NR5A2: variants seen among roughly 807,000 people sequenced by gnomAD.
The protein encoded by NR5A2 is CYP7A promoter-binding factor.
A neutral mutation model predicts 62.7 loss-of-function variants in NR5A2; 26 were observed. That is an observed-to-expected ratio of 0.41 (90% CI 0.30 to 0.58). The LOEUF is 0.58. NR5A2 is among the 20% of genes least tolerant of loss of function. NR5A2 has a pLI of 0.22. For missense variants in NR5A2, 541 were observed against 669.1 expected, an observed-to-expected ratio of 0.81 and a Z score of 2.11; for synonymous variants, 246 against 241.7, an observed-to-expected ratio of 1.02 and a Z score of -0.16.
At chr1:200,028,450 A>T (rs73067975) in intron 1 of NR5A2, among the ~76,000 whole-genome samples, 19,884 of 149,668 alleles carry the variant, frequency 0.13, 2,043 homozygotes, top group African/African-American at 0.29. Context: ...AAAACCAAAA[A>T]AACTAGACCA....
At position 200,027,871 on chromosome 1, in the gene NR5A2, G is replaced by A. The variant is rs1661402287; in HGVS notation, c.24G>A (p.Gly8=). The A allele has an allele frequency of 6.2e-7, 1 of 1,605,358 alleles. No individual in the cohort carries two copies. Among genetic ancestry groups the A allele is most frequent in the African/African-American group, 1.3e-5 (1 of 74,654 alleles). Residue 8 remains glycine (G), a synonymous_variant, in exon 1 of 8, where the codon GGG becomes GGA. Coordinates refer to ENST00000367362, the MANE Select transcript of NR5A2 (RefSeq NM_205860.3). MSSNSDT[G]DLQESLKHGL... ...GAATGTCTTCTAATTCAGATACTGG[G>A]GATTTACAAGAGTCTTTAAAGCACG...
Position 200,177,033 on chromosome 1 carries a change from TTGACAAG to T in NR5A2, c.*2827_*2833del, listed in dbSNP as rs2102404711. The T allele has an allele frequency of 6.6e-6, 1 of 152,310 alleles. No individual in the cohort carries two copies. The highest frequency in any genetic ancestry group is 2.1e-4 in the South Asian group (1 of 4,826). The allele number at this position is 152,310 out of a possible 1,614,324, so 9.4% of individuals were successfully genotyped here. A position where few individuals can be genotyped will look rare whatever the true frequency, so the allele number is the denominator to read the frequency against. ...ACAGCCAGCGTCTGTTCACCCAAGG[TTGACAAG>T]TGAAGTTTCTCTAATGTTGATTGTT... On this transcript the variant is annotated 3_prime_UTR_variant, in exon 8 of 8. Coordinates refer to ENST00000367362, the MANE Select transcript of NR5A2 (RefSeq NM_205860.3).
At chr1:200,144,818 C>T (rs952812292) in intron 7 of NR5A2, among the ~76,000 whole-genome samples, 4 of 152,092 alleles carry the variant, frequency 2.6e-5, no homozygotes, top group Admixed American at 6.6e-5. Flanking sequence ...GGAAATTGAG[C>T]GTGAGTAAGT....
chr1:200,091,478 CTCTT>C (rs1664810612), intron 5 of NR5A2, among the ~76,000 whole-genome samples: 1 of 142,572 alleles, frequency 7.0e-6, no homozygotes, highest in South Asian at 2.3e-4. Context: ...ACCCTTTGCT[CTCTT>C]TCTTTTTTTT....
intron 2 of NR5A2, among the ~76,000 whole-genome samples, chr1:200,042,080 G>T (rs948320889): frequency 2.0e-5 from 3 of 152,188 alleles, no homozygotes; most frequent in African/African-American, 4.8e-5. Context: ...AAACCCCCAG[G>T]TTCCTAAAAC....
intron 5 of NR5A2, among the ~76,000 whole-genome samples, chr1:200,082,553 TC>T (rs1664345754): frequency 6.6e-6 from 1 of 152,106 alleles, no homozygotes; most frequent in South Asian, 2.1e-4. Flanking sequence ...TAATGTAGGG[TC>T]AATAGGAATT....
chr1:200,067,675 G>A (rs1663555007), intron 5 of NR5A2, among the ~76,000 whole-genome samples: 1 of 152,160 alleles, frequency 6.6e-6, no homozygotes, highest in Non-Finnish European at 1.5e-5. Flanking sequence ...ACTACAGGGT[G>A]CTGGACTTAA....
At chr1:200,171,208 C>T (rs760057897) in intron 7 of NR5A2, among the ~76,000 whole-genome samples, 27 of 152,258 alleles carry the variant, frequency 1.8e-4, no homozygotes, top group African/African-American at 3.1e-4. Context: ...AATAGACATT[C>T]GGCAAGTAAG....
In NR5A2 at chr1:200,154,042, A is replaced by C. The variant is rs950924666; in HGVS notation, c.1379-19921A>C. Among the ~76,000 whole-genome samples, 3 of 152,240 alleles carry C rather than the reference A, an allele frequency of 2.0e-5. 1 individual carries two copies. Among genetic ancestry groups the C allele is most frequent in the Admixed American group, 1.3e-4 (2 of 15,286 alleles). ...GCATTCTTAAATTGGTGTGTTATTT[A>C]TGCAAATTATGGTAAGAAAAATAAT... is the stretch of plus-strand genomic sequence containing the variant. On this transcript the variant is annotated intron_variant, in intron 7 of 7. Coordinates refer to ENST00000367362, the MANE Select transcript of NR5A2 (RefSeq NM_205860.3).
At chr1:200,140,426 T>C (rs1419790046) in intron 7 of NR5A2, among the ~76,000 whole-genome samples, 2 of 152,212 alleles carry the variant, frequency 1.3e-5, no homozygotes, top group African/African-American at 2.4e-5. Flanking sequence ...TTGTCTGATA[T>C]TAAGAATGTT....
intron 5 of NR5A2, among the ~76,000 whole-genome samples, chr1:200,108,284 C>T (rs1665787741): frequency 6.6e-6 from 1 of 151,614 alleles, no homozygotes; most frequent in African/African-American, 2.4e-5. Flanking sequence ...CCCTATGTTG[C>T]CCAGTCTGGT....
chr1:200,125,953 A>G (rs919248364), intron 7 of NR5A2, among the ~76,000 whole-genome samples: 2 of 152,032 alleles, frequency 1.3e-5, no homozygotes, highest in African/African-American at 4.8e-5. Flanking sequence ...GGCTCAAATG[A>G]TCCTCTCGCC....
intron 5 of NR5A2, among the ~76,000 whole-genome samples, chr1:200,095,847 C>T (rs564587597): frequency 9.9e-5 from 15 of 151,932 alleles, no homozygotes; most frequent in African/African-American, 1.9e-4. Flanking sequence ...CCCCCGCGCC[C>T]GGCCAGCAAG....
intron 1 of NR5A2, among the ~76,000 whole-genome samples, chr1:200,036,448 G>A (rs1558094936): frequency 6.6e-6 from 1 of 152,224 alleles, no homozygotes; most frequent in Admixed American, 6.5e-5. Context: ...GGAGTTCTGA[G>A]GGAGAAGAAA....
At position 200,175,289 on chromosome 1, in the gene NR5A2, C is replaced by G. The variant is rs1299277698; in HGVS notation, c.*1079C>G. The G allele has an allele frequency of 2.0e-5, 3 of 152,364 alleles. No homozygotes were observed. Among genetic ancestry groups the G allele is most frequent in the African/African-American group, 4.8e-5 (2 of 41,448 alleles). The allele number at this position is 152,364 out of a possible 1,614,324, so 9.4% of individuals were successfully genotyped here. A position where few individuals can be genotyped will look rare whatever the true frequency, so the allele number is the denominator to read the frequency against. ...GTGATGTATTGACTCAAGGTTCATT[C>G]TTGCTGCAATTGAACATCCTCAAGA... On this transcript the variant is annotated 3_prime_UTR_variant, in exon 8 of 8. Coordinates refer to ENST00000367362, the MANE Select transcript of NR5A2 (RefSeq NM_205860.3).
At position 200,104,418 on chromosome 1, in the gene NR5A2, G is replaced by C. The variant is rs139725179; in HGVS notation, c.1111-6784G>C. Among the ~76,000 whole-genome samples the C allele has an allele frequency of 3.3e-3, 499 of 152,278 alleles. 1 individual carries two copies. The highest frequency in any genetic ancestry group is 0.012 in the African/African-American group (486 of 41,550). On this transcript the variant is annotated intron_variant, in intron 5 of 7. Coordinates refer to ENST00000367362, the MANE Select transcript of NR5A2 (RefSeq NM_205860.3). Reference sequence around the variant, plus strand: ...CAGTAAAGGATTAATGCAGTTGTGTGTCTGTCCTGCCCAGAGCAGGTTCTC... The same window carrying C: ...CAGTAAAGGATTAATGCAGTTGTGTCTCTGTCCTGCCCAGAGCAGGTTCTC...
At chr1:200,062,848 A>C (rs189047556) in intron 5 of NR5A2, among the ~76,000 whole-genome samples, 131 of 152,288 alleles carry the variant, frequency 8.6e-4, no homozygotes, top group Non-Finnish European at 1.4e-3. Flanking sequence ...ACACATTATT[A>C]TGTACTTTAA....
chr1:200,075,689 C>T (rs1202123566), intron 5 of NR5A2, among the ~76,000 whole-genome samples: 4 of 152,294 alleles, frequency 2.6e-5, no homozygotes, highest in East Asian at 1.9e-4. Context: ...TGTGTCTTGT[C>T]GCCACCTCTC....
intron 7 of NR5A2, among the ~76,000 whole-genome samples, chr1:200,156,812 T>G (rs1653409655): frequency 6.6e-6 from 1 of 152,230 alleles, no homozygotes; most frequent in South Asian, 2.1e-4. Flanking sequence ...CTAATGTAAG[T>G]ATTCTGAGCA....
Sources: allele counts gnomAD v4.1 joint callset (sites outside exome capture counted in the v4.1 genomes callset), GRCh38; gene constraint gnomAD v4.1.1; transcripts MANE v1.5; gene names NCBI Gene and HGNC (gene_info 2026-07-23, HGNC 2026-07-21).